The following HDHD5 variants were observed in gnomAD, a reference collection of about 807,000 sequenced individuals.
HDHD5 encodes haloacid dehalogenase-like hydrolase domain-containing 5.
HDHD5 carries 34 observed loss-of-function variants against 35.5 expected under a neutral mutation model. That is an observed-to-expected ratio of 0.96 (90% CI 0.73 to 1.28). The LOEUF (loss-of-function observed/expected upper bound fraction) is 1.28, where lower values mean the gene tolerates loss of function less well. Ranked by LOEUF, HDHD5 falls within the 50% of genes most tolerant of loss-of-function variation. The probability of loss-of-function intolerance (pLI) is 0.00; values close to 1 mark genes in which losing one functional copy is unlikely to be tolerated. For synonymous variants in HDHD5, 248 were observed against 240.6 expected (o/e 1.03, Z -0.29); for missense variants, 589 against 560.2 (o/e 1.05, Z -0.52).
chr22:17,151,889 A>C (rs929571824), intron 1 of HDHD5, among the ~76,000 whole-genome samples: 5 of 152,248 alleles, frequency 3.3e-5, no homozygotes, highest in Admixed American at 2.6e-4. Context: ...AATCAATTCT[A>C]GGTAAGTTCT....
upstream of HDHD5, among the ~76,000 whole-genome samples, chr22:17,163,486 C>T (rs1489966140): frequency 4.6e-5 from 7 of 152,172 alleles, no homozygotes; most frequent in Non-Finnish European, 7.4e-5. Context: ...TCTGAGCAGA[C>T]GCTGGACCAG....
upstream of HDHD5, among the ~76,000 whole-genome samples, chr22:17,162,210 C>G (rs1038835191): frequency 6.6e-6 from 1 of 152,154 alleles, no homozygotes; most frequent in Non-Finnish European, 1.5e-5. Context: ...CTGGCGGAAC[C>G]CTTGACCAAA....
intron 1 of HDHD5, among the ~76,000 whole-genome samples, chr22:17,151,765 A>G (rs577382475): frequency 1.3e-5 from 2 of 151,692 alleles, no homozygotes; most frequent in South Asian, 2.1e-4. Flanking sequence ...AGAAGAAAGA[A>G]AGAAGAGAAG....
chr22:17,147,960 G>A (rs187135690), intron 3 of HDHD5, among the ~76,000 whole-genome samples: 123 of 152,344 alleles, frequency 8.1e-4, no homozygotes, highest in African/African-American at 2.9e-3. Context: ...TACACAGGAC[G>A]TGCTCAGCAC....
chr22:17,157,271 C>CTTTTTTTTCT (rs1555881574), intron 1 of HDHD5, among the ~76,000 whole-genome samples: 4 of 136,696 alleles, frequency 2.9e-5, no homozygotes, highest in African/African-American at 1.1e-4. Context: ...GGTTAATTTT[C>CTTTTTTTTCT]TTTTTTTTTT....
rs969473493 is a variant in HDHD5 at position 17,137,858 on chromosome 22, C to G, written c.*163G>C. The G allele has an allele frequency of 3.3e-6, 2 of 609,716 alleles. No individual in the cohort carries two copies. The highest frequency in any genetic ancestry group is 5.7e-6 in the Non-Finnish European group (2 of 348,454). 37.8% of individuals were successfully genotyped at this position (609,716 alleles called of 1,614,324 possible). On this transcript the variant is annotated 3_prime_UTR_variant, in exon 8 of 8. Transcript: ENST00000336737. Reference sequence around the variant, plus strand: ...ATGCTACCCAGCAGGGAAAAAGAGTCACTGTCTTCTTCCAAGTGACCAGTA... The same window carrying G: ...ATGCTACCCAGCAGGGAAAAAGAGTGACTGTCTTCTTCCAAGTGACCAGTA...
At chr22:17,141,304 TAG>T (rs1169917445) in intron 5 of HDHD5, 71 bp from the exon 6 acceptor site, 49 of 1,514,514 alleles carry the variant, frequency 3.2e-5, no homozygotes, top group Non-Finnish European at 3.9e-5. Flanking sequence ...GGATGCCAGC[TAG>T]GGCTACCCAT....
In HDHD5 at chr22:17,144,603, G is replaced by A. The variant is rs376664623; in HGVS notation, c.537+421C>T. On this transcript the variant is annotated intron_variant, in intron 4 of 7. Transcript: ENST00000336737. Reference sequence around the variant, plus strand: ...TAATTTTTGTATTTTTAGTAGAGACGGGGTTTCACCATGTTGGCCAGGCTG... The same window carrying A: ...TAATTTTTGTATTTTTAGTAGAGACAGGGTTTCACCATGTTGGCCAGGCTG... Among the ~76,000 whole-genome samples, 15 of 152,078 alleles carry A rather than the reference G, an allele frequency of 9.9e-5. No homozygotes were observed. In the South Asian group the frequency reaches 2.9e-3, roughly 30 times the overall value.
At chr22:17,153,390 C>T (rs2061750422) in intron 1 of HDHD5, among the ~76,000 whole-genome samples, 1 of 152,184 alleles carries the variant, frequency 6.6e-6, no homozygotes, top group Non-Finnish European at 1.5e-5. Context: ...AACTCGGCAG[C>T]ACCTCAGAGA....
intron 2 of HDHD5, among the ~76,000 whole-genome samples, chr22:17,149,203 G>C (rs2061698428): frequency 6.6e-6 from 1 of 152,174 alleles, no homozygotes; most frequent in Non-Finnish European, 1.5e-5. Flanking sequence ...GGTGGCTGAG[G>C]AGGACAGCAC....
chr22:17,161,608 C>T (rs964106719), upstream of HDHD5, among the ~76,000 whole-genome samples: 2 of 151,528 alleles, frequency 1.3e-5, no homozygotes, highest in Non-Finnish European at 2.9e-5. Flanking sequence ...GTGGTTCATG[C>T]CTGTAATCCC....
chr22:17,143,325 G>C (rs2302522), intron 4 of HDHD5, 194 bp from the exon 5 acceptor site: 1 of 538,578 alleles, frequency 1.9e-6, no homozygotes, highest in Non-Finnish European at 3.2e-6. Flanking sequence ...ACAATGGCCA[G>C]GTGGGGCCAC....
rs1018785538 is a variant in HDHD5, at chr22:17,137,594, T to A, written c.*427A>T. The A allele has an allele frequency of 6.1e-6, 1 of 163,698 alleles. No homozygotes were observed. The highest frequency in any genetic ancestry group is 2.4e-5 in the African/African-American group (1 of 41,688). 10.1% of individuals were successfully genotyped at this position (163,698 alleles called of 1,614,324 possible). On this transcript the variant is annotated 3_prime_UTR_variant, in exon 8 of 8. Coordinates refer to ENST00000336737, the MANE Select transcript of HDHD5 (RefSeq NM_033070.3). ...CACATCTCCGGGCAATAAACTACAATACAGTAAAAAGTAGCATCTGGTGTT... is the reference window on the plus strand; with the variant it reads ...CACATCTCCGGGCAATAAACTACAAAACAGTAAAAAGTAGCATCTGGTGTT...
upstream of HDHD5, chr22:17,159,366 T>TA (rs1268803474): frequency 5.1e-6 from 6 of 1,181,920 alleles, no homozygotes; most frequent in Admixed American, 5.1e-5. Flanking sequence ...TGTAGTCCTG[T>TA]AAGCGCGCGG....
At position 17,141,147 on chromosome 22, in the gene HDHD5, C is replaced by A. The variant is rs2061596528; in HGVS notation, c.658G>T (p.Ala220Ser). ...DVLLSNGSPG[A>S]GLATPPYPHL... is the part of the protein sequence containing the mutation. ...GGGTAGGGGGGTGTTGCCAGGCCAG[C>A]CCCAGGGCTCCCATTGCTGAGGAGG... Residue 220 changes from alanine (A) to serine (S), a missense_variant, in exon 6 of 8, where the codon GCT (alanine) becomes TCT (serine). By Grantham distance (99) the Ala-to-Ser change is moderately conservative. Transcript: ENST00000336737. 1 of 1,592,902 alleles carries A rather than the reference C, an allele frequency of 6.3e-7. No individual in the cohort carries two copies. Among genetic ancestry groups the A allele is most frequent in the Non-Finnish European group, 8.5e-7 (1 of 1,171,734 alleles).
chr22:17,143,896 A>G (rs1317949334), intron 4 of HDHD5, among the ~76,000 whole-genome samples: 1 of 152,244 alleles, frequency 6.6e-6, no homozygotes, highest in Non-Finnish European at 1.5e-5. Context: ...GGAGAAAGTG[A>G]GCCAACGGGC....
At chr22:17,148,670 A>G in intron 2 of HDHD5, 110 bp from the exon 3 acceptor site, 1 of 799,086 alleles carries the variant, frequency 1.3e-6, no homozygotes. Context: ...ACCCGCTCAG[A>G]AAAAGAACGG....
At chr22:17,138,403 C>T (rs2061559792) in intron 7 of HDHD5, 46 bp from the exon 8 acceptor site, 1 of 1,580,294 alleles carries the variant, frequency 6.3e-7, no homozygotes, top group Non-Finnish European at 8.6e-7. Flanking sequence ...AGAAAAAACC[C>T]TAAATCAATG....
chr22:17,140,278 CA>C (rs1038112154), intron 6 of HDHD5, among the ~76,000 whole-genome samples: 4 of 151,920 alleles, frequency 2.6e-5, no homozygotes, highest in Non-Finnish European at 5.9e-5. Context: ...ACCCTGAGGC[CA>C]AAAAAGGGCT....
Sources: gnomAD v4.1 joint callset for allele counts (sites outside exome capture counted in the v4.1 genomes callset) on GRCh38, gnomAD v4.1.1 for gene constraint, MANE v1.5 for transcripts, NCBI Gene and HGNC (gene_info 2026-07-23, HGNC 2026-07-21) for gene names.